The following NTM variants were observed in gnomAD, a reference collection of about 807,000 sequenced individuals.
NTM encodes the protein neurotrimin, also known as IgLON family member 2.
A neutral mutation model predicts 42.1 loss-of-function variants in NTM; 13 were observed. The observed-to-expected ratio is 0.31, with a 90% confidence interval of 0.20 to 0.49. The LOEUF is 0.49. Ranked by LOEUF, NTM falls within the 20% of genes least tolerant of loss-of-function variation. The pLI is 0.99. For synonymous variants in NTM, 187 were observed against 179.2 expected (o/e 1.04, Z -0.35); for missense variants, 373 against 452.8 (o/e 0.82, Z 1.60).
intron 2 of NTM, among the ~76,000 whole-genome samples, chr11:132,088,271 C>T (rs1490680493): frequency 6.6e-6 from 1 of 152,162 alleles, no homozygotes; most frequent in Non-Finnish European, 1.5e-5. Flanking sequence ...GCAGCTTCCC[C>T]TGCTCTCAGA....
chr11:131,702,995 A>T (rs2076229730), intron 1 of NTM, among the ~76,000 whole-genome samples: 2 of 152,200 alleles, frequency 1.3e-5, no homozygotes. Context: ...GGAGAAGAGG[A>T]TAGTCATAAT....
At chr11:132,155,010 A>T (rs1226186164) in intron 3 of NTM, among the ~76,000 whole-genome samples, 1 of 152,186 alleles carries the variant, frequency 6.6e-6, no homozygotes, top group Admixed American at 6.5e-5. Flanking sequence ...TCTTTGTGGT[A>T]AACTCAGCTG....
intron 1 of NTM, among the ~76,000 whole-genome samples, chr11:131,396,809 G>A (rs1204127325): frequency 4.0e-5 from 6 of 151,686 alleles, no homozygotes; most frequent in African/African-American, 1.2e-4. Context: ...ACTCCAGCCC[G>A]GGCAACAGAG....
At position 131,843,913 on chromosome 11, in the gene NTM, G is replaced by C. The variant is rs114196871; in HGVS notation, c.83-67651G>C. ...TTATTCTCTTTTTTTTCACATTTTC[G>C]ATATGAATTCTTTTTTACATGCATT... On this transcript the variant is annotated intron_variant, in intron 1 of 8. Coordinates refer to ENST00000683400, the MANE Select transcript of NTM (RefSeq NM_001352005.2). 8.7e-3 allele frequency among the ~76,000 whole-genome samples: 1,319 copies of C among 151,058 alleles called. 23 individuals are homozygous for C. The highest frequency in any genetic ancestry group is 0.03 in the African/African-American group (1,229 of 41,158).
chr11:132,154,407 A>T (rs2072695091), intron 3 of NTM, among the ~76,000 whole-genome samples: 1 of 152,252 alleles, frequency 6.6e-6, no homozygotes, highest in Non-Finnish European at 1.5e-5. Flanking sequence ...TGGTTAAGAC[A>T]CAAAGGGGAA....
rs564403098 is a variant in NTM at position 132,218,331 on chromosome 11, C to G, written c.526+6184C>G. On this transcript the variant is annotated intron_variant, in intron 4 of 8. Coordinates refer to ENST00000683400, the MANE Select transcript of NTM (RefSeq NM_001352005.2). ...TTTTCTAAATCCATCTATGCCAATTCTAGACAACTCTTGGAATCTCCTTTT... is the reference window on the plus strand; with the variant it reads ...TTTTCTAAATCCATCTATGCCAATTGTAGACAACTCTTGGAATCTCCTTTT... Among the ~76,000 whole-genome samples the G allele has an allele frequency of 8.5e-5, 13 of 152,310 alleles. No homozygotes were observed. In the South Asian group the frequency reaches 2.5e-3, roughly 29 times the overall value.
At chr11:131,555,769 G>GGAT (rs1367861730) in intron 1 of NTM, among the ~76,000 whole-genome samples, 2 of 152,118 alleles carry the variant, frequency 1.3e-5, no homozygotes, top group Non-Finnish European at 2.9e-5. Flanking sequence ...TCCTCTAGGA[G>GGAT]GATGACAACC....
At chr11:131,956,251 G>T (rs2061544342) in intron 2 of NTM, among the ~76,000 whole-genome samples, 1 of 152,202 alleles carries the variant, frequency 6.6e-6, no homozygotes, top group African/African-American at 2.4e-5. Flanking sequence ...CGTCTGAATG[G>T]CAGGGAGAAG....
intron 4 of NTM, among the ~76,000 whole-genome samples, chr11:132,282,533 G>C (rs963354519): frequency 6.6e-6 from 1 of 152,098 alleles, no homozygotes; most frequent in East Asian, 1.9e-4. Flanking sequence ...ACAGAAATAC[G>C]CTCCCCGAGT....
intron 2 of NTM, among the ~76,000 whole-genome samples, chr11:132,036,761 C>G (rs1213880499): frequency 1.3e-5 from 2 of 152,170 alleles, no homozygotes; most frequent in Non-Finnish European, 2.9e-5. Context: ...AAGCTCCTTT[C>G]TTAACTCCTT....
At chr11:131,392,264 G>A (rs1388024029) in intron 1 of NTM, among the ~76,000 whole-genome samples, 1 of 152,174 alleles carries the variant, frequency 6.6e-6, no homozygotes, top group Non-Finnish European at 1.5e-5. Context: ...CCCCTGAAGG[G>A]ATGGGAGTCC....
At chr11:131,931,918 C>G (rs563400554) in intron 2 of NTM, among the ~76,000 whole-genome samples, 119 of 152,348 alleles carry the variant, frequency 7.8e-4, no homozygotes, top group African/African-American at 2.8e-3. Context: ...TGACGCATTT[C>G]TGGCGGGAGA....
rs534902795 is a variant in NTM at position 131,986,007 on chromosome 11, A to G, written c.167+74359A>G. Among the ~76,000 whole-genome samples the G allele has an allele frequency of 3.3e-5, 5 of 152,312 alleles. No individual in the cohort carries two copies. The East Asian group carries it at 7.7e-4, about 24-fold the overall frequency. On this transcript the variant is annotated intron_variant, in intron 2 of 8. Coordinates refer to ENST00000683400, the MANE Select transcript of NTM (RefSeq NM_001352005.2). ...TTAATAAACACAGAATAAATGAATCAGTATTCATAGTTATTTCCCCTCTGA... is the reference window on the plus strand; with the variant it reads ...TTAATAAACACAGAATAAATGAATCGGTATTCATAGTTATTTCCCCTCTGA...
At chr11:131,662,391 C>T (rs2068233893) in intron 1 of NTM, 1 of 152,326 alleles carries the variant, frequency 6.6e-6, no homozygotes, top group African/African-American at 2.4e-5. Context: ...GCAGACACAC[C>T]TGGGAATTCT....
rs141950659 is a variant in NTM at position 131,926,789 on chromosome 11, G to A, written c.167+15141G>A. Among the ~76,000 whole-genome samples, 45 of 152,306 alleles carry A rather than the reference G, an allele frequency of 3.0e-4. No homozygotes were observed. The East Asian group carries it at 6.4e-3, about 22-fold the overall frequency. On this transcript the variant is annotated intron_variant, in intron 2 of 8. Coordinates refer to ENST00000683400, the MANE Select transcript of NTM (RefSeq NM_001352005.2). ...ATTTGTGGCAACCCATATTTGATGT[G>A]TCACCCCTGCAGCACACACATCCAG...
intron 4 of NTM, among the ~76,000 whole-genome samples, chr11:132,250,594 CA>C (rs1169306532): frequency 6.6e-6 from 1 of 151,106 alleles, no homozygotes; most frequent in African/African-American, 2.4e-5. Flanking sequence ...TCACACTATT[CA>C]CTTTTTTTTT....
At chr11:131,520,533 G>T (rs186265341) in intron 1 of NTM, among the ~76,000 whole-genome samples, 3 of 152,080 alleles carry the variant, frequency 2.0e-5, no homozygotes, top group African/African-American at 2.4e-5. Context: ...GGATAGCCAC[G>T]CAATTTGATT....
intron 1 of NTM, among the ~76,000 whole-genome samples, chr11:131,865,873 CTA>C (rs2137012775): frequency 7.5e-6 from 1 of 133,002 alleles, no homozygotes; most frequent in Non-Finnish European, 1.7e-5. Flanking sequence ...TACACACATG[CTA>C]CACACACACC....
rs61627120 is a variant in NTM at position 131,972,042 on chromosome 11, C to CA, written c.167+60415dup. On this transcript the variant is annotated intron_variant, in intron 2 of 8. Coordinates refer to ENST00000683400, the MANE Select transcript of NTM (RefSeq NM_001352005.2). ...TGGGCGACAGAGTGAGACTCCGTCT[C>CA]AAAAAAAAAAAAAAAAAAAAATTAG... Among the ~76,000 whole-genome samples, 416 of 57,772 alleles carry CA rather than the reference C, an allele frequency of 7.2e-3. 14 individuals are homozygous for CA. Among genetic ancestry groups the CA allele is most frequent in the East Asian group, 0.018 (33 of 1,852 alleles). The allele number at this position is 57,772 out of a possible 152,430, so 37.9% of individuals were successfully genotyped here. A position where few individuals can be genotyped will look rare whatever the true frequency, so the allele number is the denominator to read the frequency against.
Sources: gnomAD v4.1 joint callset for allele counts (sites outside exome capture counted in the v4.1 genomes callset) on GRCh38, gnomAD v4.1.1 for gene constraint, MANE v1.5 for transcripts, NCBI Gene and HGNC (gene_info 2026-07-23, HGNC 2026-07-21) for gene names.